OR1J2: variants seen among roughly 807,000 people sequenced by gnomAD.
The protein encoded by OR1J2 is olfactory receptor 1J2.
For synonymous variants in OR1J2, 142 were observed against 99.7 expected (o/e 1.42, Z -2.52); for missense variants, 304 against 246.1 (o/e 1.24, Z -1.57).
chr9:122,471,843 A>G, the OR1J2 span, among the ~76,000 whole-genome samples: 1 of 152,336 alleles, frequency 6.6e-6, no homozygotes, highest in Non-Finnish European at 1.5e-5. Flanking sequence ...GCTGGAGAAT[A>G]GTGGATGCTG....
upstream of OR1J2, among the ~76,000 whole-genome samples, chr9:122,509,220 T>A (rs1449735847): frequency 6.6e-6 from 1 of 152,168 alleles, no homozygotes; most frequent in African/African-American, 2.4e-5. Flanking sequence ...GATGTGGACA[T>A]CTTTGGGGGT....
At chr9:122,479,347 A>G in the OR1J2 span, among the ~76,000 whole-genome samples, 2 of 152,216 alleles carry the variant, frequency 1.3e-5, no homozygotes, top group Non-Finnish European at 2.9e-5. Flanking sequence ...AAGCCAGAGT[A>G]AGTAAAATGC....
the OR1J2 span, among the ~76,000 whole-genome samples, chr9:122,578,019 A>G: frequency 0.026 from 4,023 of 152,344 alleles, 122 homozygotes; most frequent in African/African-American, 0.071. Flanking sequence ...AAAGGAAAAC[A>G]CTTTTACACT....
chr9:122,456,669 G>C, the OR1J2 span, among the ~76,000 whole-genome samples: 1 of 152,084 alleles, frequency 6.6e-6, no homozygotes, highest in Admixed American at 6.5e-5. Flanking sequence ...AAACCACAAT[G>C]AGATACCATC....
chr9:122,518,031 T>C, the OR1J2 span, among the ~76,000 whole-genome samples: 1 of 152,202 alleles, frequency 6.6e-6, no homozygotes, highest in African/African-American at 2.4e-5. Context: ...TGTCCCTGCA[T>C]AGGACATGGT....
upstream of OR1J2, among the ~76,000 whole-genome samples, chr9:122,505,934 C>G (rs1338484926): frequency 6.6e-6 from 1 of 151,848 alleles, no homozygotes; most frequent in East Asian, 1.9e-4. Flanking sequence ...ATAACCATAC[C>G]TAAGTTTGTC....
At position 122,511,361 on chromosome 9, in the gene OR1J2, T is replaced by C. The variant is rs1357125410; in HGVS notation, c.560T>C (p.Leu187Pro). ...VFCDLAALLK[L>P]SCSDIFLNEL... ...TGTGACCTTGCTGCCCTGCTCAAGC[T>C]GTCCTGCTCAGATATCTTCCTCAAT... The change falls in exon 1 of 1, where the codon CTG becomes CCG. Residue 187 changes from leucine to proline, a missense_variant. Physicochemically the swap from Leu to Pro is moderately conservative, Grantham distance 98 (BLOSUM62 -3). Transcript: ENST00000335302. 1.4e-6 allele frequency: 1 copy of C among 734,080 alleles called. No homozygotes were observed. The highest frequency in any genetic ancestry group is 2.5e-6 in the Non-Finnish European group (1 of 395,348). The allele number at this position is 734,080 out of a possible 1,614,324, so 45.5% of individuals were successfully genotyped here.
the OR1J2 span, chr9:122,568,409 C>T: frequency 6.2e-7 from 1 of 1,613,608 alleles, no homozygotes; most frequent in Non-Finnish European, 8.5e-7. Context: ...TCTTTTGGTC[C>T]TCAGGCCGGG....
the OR1J2 span, among the ~76,000 whole-genome samples, chr9:122,537,230 G>C: frequency 6.6e-6 from 1 of 152,224 alleles, no homozygotes; most frequent in South Asian, 2.1e-4. Flanking sequence ...CCGGTGGTCA[G>C]AGAGAAACAG....
chr9:122,570,739 T>C, the OR1J2 span, among the ~76,000 whole-genome samples: 21 of 152,340 alleles, frequency 1.4e-4, no homozygotes, highest in African/African-American at 4.1e-4. Context: ...CTCAGATTAA[T>C]TTTATAATAT....
downstream of OR1J2, among the ~76,000 whole-genome samples, chr9:122,516,324 G>A (rs1828699434): frequency 2.2e-5 from 2 of 92,808 alleles, no homozygotes; most frequent in South Asian, 8.3e-4. Flanking sequence ...TTTTTTTTGA[G>A]ACGGAGTCTC....
chr9:122,542,888 G>C, the OR1J2 span, among the ~76,000 whole-genome samples: 1 of 152,270 alleles, frequency 6.6e-6, no homozygotes, highest in South Asian at 2.1e-4. Flanking sequence ...ACTTATGTCT[G>C]GTTTCTTTGG....
chr9:122,490,232 A>G, the OR1J2 span, among the ~76,000 whole-genome samples: 1 of 152,186 alleles, frequency 6.6e-6, no homozygotes, highest in Non-Finnish European at 1.5e-5. Context: ...GTTTGTAAGC[A>G]TCTAGATTAC....
the OR1J2 span, among the ~76,000 whole-genome samples, chr9:122,562,475 T>C: frequency 6.6e-6 from 1 of 152,198 alleles, no homozygotes; most frequent in Non-Finnish European, 1.5e-5. Context: ...GATCTTCTGA[T>C]CTGTGGGTTG....
At chr9:122,522,928 A>G in the OR1J2 span, among the ~76,000 whole-genome samples, 1 of 152,248 alleles carries the variant, frequency 6.6e-6, no homozygotes, top group African/African-American at 2.4e-5. Flanking sequence ...TGTGTCAGGC[A>G]TTGTATTAAA....
the OR1J2 span, among the ~76,000 whole-genome samples, chr9:122,472,179 T>TGA: frequency 1.3e-5 from 2 of 152,220 alleles, no homozygotes; most frequent in African/African-American, 4.8e-5. Flanking sequence ...GTGTTAGTCT[T>TGA]GATCTGTATG....
the OR1J2 span, among the ~76,000 whole-genome samples, chr9:122,575,662 C>T: frequency 1.3e-5 from 2 of 152,126 alleles, no homozygotes; most frequent in Admixed American, 6.5e-5. Context: ...TTGAGGTTTA[C>T]AGCATGATGC....
the OR1J2 span, among the ~76,000 whole-genome samples, chr9:122,458,514 G>A: frequency 0.015 from 2,321 of 152,338 alleles, 33 homozygotes; most frequent in Non-Finnish European, 0.025. Flanking sequence ...CTTCACAATC[G>A]TGGTGGAAGG....
chr9:122,540,522 TG>T, the OR1J2 span, among the ~76,000 whole-genome samples: 3 of 152,028 alleles, frequency 2.0e-5, no homozygotes, highest in Non-Finnish European at 4.4e-5. Flanking sequence ...ACTGTAGCCT[TG>T]TAGTATAGTT....
Sources: gnomAD v4.1 joint callset for allele counts (sites outside exome capture counted in the v4.1 genomes callset) on GRCh38, gnomAD v4.1.1 for gene constraint, MANE v1.5 for transcripts, NCBI Gene and HGNC (gene_info 2026-07-23, HGNC 2026-07-21) for gene names.